Variants in ABCA5 observed in about 807,000 individuals in gnomAD.
ABCA5 encodes cholesterol transporter ABCA5.
Under a neutral mutation model 206.0 loss-of-function variants are expected in ABCA5, and 163 were observed. The observed-to-expected ratio is 0.79, with a 90% confidence interval of 0.70 to 0.90. The LOEUF is 0.90. ABCA5 is among the 40% of genes least tolerant of loss of function. The pLI is 0.00. For missense variants in ABCA5, 1,859 were observed against 1,912.9 expected (o/e 0.97, Z 0.53); for synonymous variants, 609 against 613.8 (o/e 0.99, Z 0.11).
rs2075787169 is a variant in ABCA5, at chr17:69,313,271, A to T, written c.128T>A (p.Leu43Ter). The T allele has an allele frequency of 7.2e-7, 1 of 1,388,314 alleles. No homozygotes were observed. The highest frequency in any genetic ancestry group is 1.0e-6 in the Non-Finnish European group (1 of 1,004,114). The allele number at this position is 1,388,314 out of a possible 1,614,324, so 86.0% of individuals were successfully genotyped here. The change falls in exon 3 of 39, where the codon TTA becomes TAA. Residue 43 changes from leucine (L) to a stop codon, truncating the protein, a stop_gained. Transcript: ENST00000392676. LOFTEE classifies it high-confidence loss of function. ...CATGCTAATTAATATTAACCAAAAT[A>T]AAAAAAATAGTGGAAAAAGAATTTC... ...VQEILFPLFF[L>*]FWLILISMMH...
intron 7 of ABCA5, chr17:69,304,314 T>C: frequency 6.4e-6 from 1 of 157,168 alleles, no homozygotes; most frequent in Non-Finnish European, 1.4e-5. Context: ...AAAATCATCA[T>C]CCTGGAGCAT....
chr17:69,315,832 C>A (rs2075811296), intron 1 of ABCA5, among the ~76,000 whole-genome samples: 1 of 150,794 alleles, frequency 6.6e-6, no homozygotes. Context: ...ATCAAAGATA[C>A]CAATGCTGAA....
Position 69,251,857 on chromosome 17 carries a change from A to T in ABCA5, c.4425T>A (p.Ile1475=). The T allele has an allele frequency of 6.2e-7, 1 of 1,613,218 alleles. No individual in the cohort carries two copies. The highest frequency in any genetic ancestry group is 8.5e-7 in the Non-Finnish European group (1 of 1,179,802). ...GCTTTCTGTTTTTAAATGCAGTTCG[A>T]ATTGCTCGCCTATAAAACATAAATA... is the stretch of plus-strand genomic sequence containing the variant. The part of the protein sequence containing the change: ...PKAKQHMWRA[I]RTAFKNRKRA... The change falls in exon 35 of 39, where the codon ATT becomes ATA. Residue 1475 remains isoleucine, a synonymous_variant. Transcript: ENST00000392676.
In ABCA5 at chr17:69,286,057, A is replaced by T. The variant is rs368229192; in HGVS notation, c.2133-20T>A. The T allele has an allele frequency of 2.5e-6, 4 of 1,596,276 alleles. No individual in the cohort carries two copies. The highest frequency in any genetic ancestry group is 3.4e-6 in the Non-Finnish European group (4 of 1,175,186). Reference sequence around the variant, plus strand: ...TACATGCTAGAGAATACCAAAAATCACAATTAATGATTATACAATAAACAG... The same window carrying T: ...TACATGCTAGAGAATACCAAAAATCTCAATTAATGATTATACAATAAACAG... On this transcript the variant is annotated intron_variant, in intron 16 of 38. Coordinates refer to ENST00000392676, the MANE Select transcript of ABCA5 (RefSeq NM_172232.4).
At chr17:69,317,264 A>G (rs1490770690) in intron 1 of ABCA5, 1 of 152,030 alleles carries the variant, frequency 6.6e-6, no homozygotes, top group East Asian at 1.9e-4. Context: ...TTAGCTGGGC[A>G]TGGTGGTACG....
At chr17:69,306,259 GA>G (rs1210950022) in intron 6 of ABCA5, among the ~76,000 whole-genome samples, 1 of 151,630 alleles carries the variant, frequency 6.6e-6, no homozygotes, top group Non-Finnish European at 1.5e-5. Flanking sequence ...ACTTTCGAGG[GA>G]AAAAAAGTCC....
At chr17:69,287,403 G>A (rs1445312017) in intron 15 of ABCA5, among the ~76,000 whole-genome samples, 1 of 152,054 alleles carries the variant, frequency 6.6e-6, no homozygotes, top group Non-Finnish European at 1.5e-5. Context: ...AGTCATATGA[G>A]TTCTTCTAGG....
rs1319869141 is a variant in ABCA5, at chr17:69,301,187, T to A, written c.1219A>T (p.Ser407Cys). 2 of 1,599,206 alleles carry A rather than the reference T, an allele frequency of 1.3e-6. No homozygotes were observed. The highest frequency in any genetic ancestry group is 4.6e-5 in the East Asian group (2 of 43,888). The change falls in exon 9 of 39, where the codon AGT becomes TGT. Residue 407 changes from serine to cysteine, a missense_variant. Coordinates refer to ENST00000392676, the MANE Select transcript of ABCA5 (RefSeq NM_172232.4). The stretch of plus-strand genomic sequence containing the variant: ...ACAGCCAAGAGGACATAGAATATAC[T>A]ATTAAGTGTGAGCATGATAATTGTA... ...IITIIMLTLN[S>C]IFYVLLAVYL...
At chr17:69,263,697 C>CTTTT (rs58369537) in intron 24 of ABCA5, among the ~76,000 whole-genome samples, 1,202 of 103,664 alleles carry the variant, frequency 0.012, 62 homozygotes, top group Non-Finnish European at 0.014. Context: ...ACATGGATTC[C>CTTTT]TTTTTTTTTT....
At chr17:69,278,251 C>T (rs2075355177) in intron 18 of ABCA5, among the ~76,000 whole-genome samples, 2 of 152,114 alleles carry the variant, frequency 1.3e-5, no homozygotes, top group Non-Finnish European at 2.9e-5. Flanking sequence ...GGTATAATTC[C>T]ACTAGTTCAA....
intron 9 of ABCA5, among the ~76,000 whole-genome samples, chr17:69,299,365 CAT>C (rs2075625299): frequency 6.6e-6 from 1 of 151,526 alleles, no homozygotes; most frequent in African/African-American, 2.4e-5. Context: ...CTTCCCCACA[CAT>C]GTTGATAACA....
intron 1 of ABCA5, among the ~76,000 whole-genome samples, chr17:69,315,888 A>G (rs1458755172): frequency 2.0e-5 from 3 of 152,162 alleles, no homozygotes; most frequent in Admixed American, 1.3e-4. Context: ...TAAAGCAGCT[A>G]TTTAAGGGCT....
chr17:69,247,468 T>C lies in ABCA5; in HGVS notation c.*69A>G. On this transcript the variant is annotated 3_prime_UTR_variant, in exon 39 of 39. Coordinates refer to ENST00000392676, the MANE Select transcript of ABCA5 (RefSeq NM_172232.4). Reference sequence around the variant, plus strand: ...TCCAGTTACCATTCCAATAAAAAACTTTTTAAACCAAAGTTAAAATTAAGT... The same window carrying C: ...TCCAGTTACCATTCCAATAAAAAACCTTTTAAACCAAAGTTAAAATTAAGT... 7.8e-6 allele frequency: 9 copies of C among 1,160,808 alleles called. No homozygotes were observed. Among genetic ancestry groups the C allele is most frequent in the South Asian group, 1.5e-5 (1 of 68,542 alleles). The allele number at this position is 1,160,808 out of a possible 1,614,324, so 71.9% of individuals were successfully genotyped here.
rs146604475 is a variant in ABCA5, at chr17:69,315,089, G to C, written c.-15-659C>G. 7 of 152,300 alleles carry C rather than the reference G, an allele frequency of 4.6e-5. No individual in the cohort carries two copies. The East Asian group carries it at 1.3e-3, about 29-fold the overall frequency. The allele number at this position is 152,300 out of a possible 1,614,324, so 9.4% of individuals were successfully genotyped here. A position where few individuals can be genotyped will look rare whatever the true frequency, so the allele number is the denominator to read the frequency against. ...CTGGAGGATAGAAACAGCAGCCACA[G>C]GGAAGCAAAAAGTAGAAGGGGGAAC... On this transcript the variant is annotated intron_variant, in intron 1 of 38. Coordinates refer to ENST00000392676, the MANE Select transcript of ABCA5 (RefSeq NM_172232.4).
chr17:69,258,003 G>A (rs2075102578), intron 28 of ABCA5, among the ~76,000 whole-genome samples: 1 of 152,032 alleles, frequency 6.6e-6, no homozygotes, highest in African/African-American at 2.4e-5. Context: ...TTACTGAGAA[G>A]TAGGAAGTAA....
chr17:69,273,558 C>T (rs1299066935), intron 20 of ABCA5, among the ~76,000 whole-genome samples: 1 of 151,594 alleles, frequency 6.6e-6, no homozygotes, highest in Non-Finnish European at 1.5e-5. Context: ...CGGGTTCAAG[C>T]GATTCTCCTG....
chr17:69,309,409 C>A lies in ABCA5; in HGVS notation c.322G>T (p.Glu108Ter). 6.4e-7 allele frequency: 1 copy of A among 1,572,950 alleles called. No homozygotes were observed. Among genetic ancestry groups the A allele is most frequent in the South Asian group, 1.2e-5 (1 of 84,294 alleles). The change falls in exon 4 of 39, where the codon GAA (glutamate) becomes TAA (stop). Residue 108 changes from glutamate to a stop codon, truncating the protein, a stop_gained. Transcript: ENST00000392676. LOFTEE classifies it high-confidence loss of function. ...AACATTTCTTTTTCATTTGTATATT[C>A]TTCAGTAATTATGACTGTAAGATAT... ...DHLPDVIITE[E>*]YTNEKEMLTS...
At chr17:69,301,431 A>G (rs1222540402) in intron 8 of ABCA5, 145 bp from the exon 9 acceptor site, 2 of 503,986 alleles carry the variant, frequency 4.0e-6, no homozygotes, top group Non-Finnish European at 6.7e-6. Context: ...CAAATTAATA[A>G]TATAAATTTA....
chr17:69,297,434 G>T, intron 9 of ABCA5, 75 bp from the exon 10 acceptor site: 1 of 1,378,164 alleles, frequency 7.3e-7, no homozygotes, highest in South Asian at 1.4e-5. Flanking sequence ...TCAAACATAT[G>T]ACAACCTGCA....
Sources: gnomAD v4.1 joint callset for allele counts (sites outside exome capture counted in the v4.1 genomes callset) on GRCh38, gnomAD v4.1.1 for gene constraint, MANE v1.5 for transcripts, NCBI Gene and HGNC (gene_info 2026-07-23, HGNC 2026-07-21) for gene names.